Variants in ERCC6 observed in about 807,000 individuals in gnomAD.
ERCC6 encodes the protein ERCC excision repair 6, chromatin remodeling factor.
ERCC6 carries 116 observed loss-of-function variants against 158.7 expected under a neutral mutation model. The ratio of observed to expected loss-of-function variants is 0.73; its 90% CI spans 0.63 to 0.85. The LOEUF (loss-of-function observed/expected upper bound fraction) is 0.85. Ranked by LOEUF, ERCC6 falls within the 40% of genes least tolerant of loss-of-function variation. The pLI is 0.00. For synonymous variants in ERCC6, 678 were observed against 659.3 expected (o/e 1.03, Z -0.43); for missense variants, 1,698 against 1,799.4 (o/e 0.94, Z 1.02).
chr10:49,453,126 TGC>T (rs1179235828), downstream of ERCC6, among the ~76,000 whole-genome samples: 1 of 152,156 alleles, frequency 6.6e-6, no homozygotes, highest in Non-Finnish European at 1.5e-5. Context: ...CTTTTAATAT[TGC>T]CTTTTGCATC....
chr10:49,483,377 G>A lies in ERCC6; in HGVS notation c.1961C>T (p.Pro654Leu). 6.2e-7 allele frequency: 1 copy of A among 1,614,108 alleles called. No individual in the cohort carries two copies. The highest frequency in any genetic ancestry group is 1.3e-5 in the African/African-American group (1 of 75,032). The change falls in exon 9 of 21, where the codon CCA becomes CTA. Residue 654 changes from proline (P) to leucine (L), a missense_variant. Pro to Leu is a moderately conservative substitution (Grantham distance 98). Transcript: ENST00000355832. Reference protein sequence around the residue: ...ILDEGHKIRNPNAAVTLACKQ... With the variant: ...ILDEGHKIRNLNAAVTLACKQ... Reference sequence around the variant, plus strand: ...GCAAGCAAGGGTGACAGCAGCATTTGGATTTCGAATTTTGTGTCCTTCGTC... The same window carrying A: ...GCAAGCAAGGGTGACAGCAGCATTTAGATTTCGAATTTTGTGTCCTTCGTC...
chr10:49,458,919 C>T lies in ERCC6; in HGVS notation c.4378G>A (p.Ala1460Thr), dbSNP rs753046633. 6.2e-7 allele frequency: 1 copy of T among 1,614,060 alleles called. No individual in the cohort carries two copies. The highest frequency in any genetic ancestry group is 1.3e-5 in the African/African-American group (1 of 74,904). The change falls in exon 21 of 21, where the codon GCA (alanine) becomes ACA (threonine). Residue 1460 changes from alanine to threonine, a missense_variant. By Grantham distance (58) the Ala-to-Thr change is moderately conservative. Coordinates refer to ENST00000355832, the MANE Select transcript of ERCC6 (RefSeq NM_000124.4). ...ILQEFESKLS[A>T]SQSCVFRELL... is the part of the protein sequence containing the mutation. ...TCTCGGAAGACACAAGACTGTGATGCAGATAACTTGGATTCAAACTCCTGC... is the reference window on the plus strand; with the variant it reads ...TCTCGGAAGACACAAGACTGTGATGTAGATAACTTGGATTCAAACTCCTGC...
chr10:49,521,075 C>T (rs756564516), intron 5 of ERCC6, among the ~76,000 whole-genome samples: 36 of 152,154 alleles, frequency 2.4e-4, no homozygotes, highest in South Asian at 4.1e-4. Context: ...CCTATTTGTG[C>T]CCAAGTCTAT....
intron 6 of ERCC6, 36 bp from the exon 7 acceptor site, chr10:49,500,732 G>A: frequency 1.2e-6 from 2 of 1,607,990 alleles, no homozygotes; most frequent in Non-Finnish European, 1.7e-6. Context: ...AAGAGAAAAT[G>A]GCAAATGGTG....
intron 5 of ERCC6, chr10:49,516,917 T>C (rs751141428): frequency 1.9e-5 from 31 of 1,614,008 alleles, no homozygotes; most frequent in South Asian, 1.9e-4. Context: ...CAGAGCCATC[T>C]TGAATAAGAT....
chr10:49,524,162 T>C lies in ERCC6; in HGVS notation c.1268A>G (p.Asp423Gly), dbSNP rs1418152523. 1.9e-6 allele frequency: 3 copies of C among 1,614,052 alleles called. No homozygotes were observed. Among genetic ancestry groups the C allele is most frequent in the Middle Eastern group, 1.6e-4 (1 of 6,084 alleles). Residue 423 changes from aspartate to glycine, a missense_variant, in exon 5 of 21, where the codon GAT (aspartate) becomes GGT (glycine). Coordinates refer to ENST00000355832, the MANE Select transcript of ERCC6 (RefSeq NM_000124.4). ...CCCAGAACTTGGGAAAAAGTCATCA[T>C]CAATCTCCTGCACTGGCACTTTCTT... is the stretch of plus-strand genomic sequence containing the variant. ...RQKKVPVQEI[D>G]DDFFPSSGEE... is the part of the protein sequence containing the mutation.
At position 49,505,903 on chromosome 10, in the gene ERCC6, G is replaced by A; in HGVS notation, c.1507C>T (p.Leu503=). Residue 503 remains leucine, a synonymous_variant, in exon 6 of 21, where the codon CTG becomes TTG. Transcript: ENST00000355832. ...ACATACTTAAAAAGCTTTTTGAACA[G>A]AAAACCTGGCACTTTAAAACCTTCG... ...FDEGFKVPGF[L]FKKLFKYQQT... is the part of the protein sequence containing the mutation. The A allele has an allele frequency of 6.2e-7, 1 of 1,613,286 alleles. No homozygotes were observed.
Position 49,472,719 on chromosome 10 carries a change from TA to T in ERCC6, c.2829+189del, listed in dbSNP as rs534168918. The T allele has an allele frequency of 5.9e-4, 449 of 762,376 alleles. 1 individual carries two copies. In the African/African-American group the frequency reaches 7.3e-3, roughly 12 times the overall value. The allele number at this position is 762,376 out of a possible 1,614,324, so 47.2% of individuals were successfully genotyped here. Reference sequence around the variant, plus strand: ...CAACTCTAGGAATGAATGCTATGGATAAACTGCTGAAGATGGTTCCTGTCCA... The same window carrying T: ...CAACTCTAGGAATGAATGCTATGGATAACTGCTGAAGATGGTTCCTGTCCA... On this transcript the variant is annotated intron_variant, in intron 15 of 20. Transcript: ENST00000355832.
Position 49,524,774 on chromosome 10 carries a change from G to A in ERCC6, c.656C>T (p.Pro219Leu), listed in dbSNP as rs367812837. 2.1e-5 allele frequency: 33 copies of A among 1,600,964 alleles called. No individual in the cohort carries two copies. Among genetic ancestry groups the A allele is most frequent in the African/African-American group, 5.3e-5 (4 of 74,886 alleles). ...DHASLEEDAE[P>L]GPSSLGSMLM... ...CATGCTGCCAAGACTGGATGGCCCC[G>A]GCTCTGAAAGAACAATAGCAATGCG... The change falls in exon 5 of 21, where the codon CCG becomes CTG. Residue 219 changes from proline to leucine, a missense_variant. By Grantham distance (98) the Pro-to-Leu change is moderately conservative. Coordinates refer to ENST00000355832, the MANE Select transcript of ERCC6 (RefSeq NM_000124.4).
chr10:49,516,563 C>A, intron 5 of ERCC6: 10 of 1,613,906 alleles, frequency 6.2e-6, no homozygotes, highest in Non-Finnish European at 8.5e-6. Flanking sequence ...AAATAATTCC[C>A]AGAAAACATT....
intron 5 of ERCC6, among the ~76,000 whole-genome samples, chr10:49,514,815 C>G (rs533122882): frequency 5.4e-4 from 83 of 152,318 alleles, no homozygotes; most frequent in Non-Finnish European, 1.0e-3. Context: ...CTATTTCAGA[C>G]AGCTAAGAAT....
rs117766317 is a variant in ERCC6 at position 49,475,699 on chromosome 10, C to T, written c.2382+516G>A. On this transcript the variant is annotated intron_variant, in intron 12 of 20. Coordinates refer to ENST00000355832, the MANE Select transcript of ERCC6 (RefSeq NM_000124.4). ...AGAATCACCATAAATAAATTACTGT[C>T]CTACCCTGGGGACAATGAGAATTAG... 7.7e-3 allele frequency among the ~76,000 whole-genome samples: 1,173 copies of T among 152,196 alleles called. 9 individuals carry two copies. The highest frequency in any genetic ancestry group is 0.014 in the Middle Eastern group (4 of 294).
At position 49,457,832 on chromosome 10, in the gene ERCC6, A is replaced by T. The variant is rs1028441091; in HGVS notation, c.*983T>A. On this transcript the variant is annotated 3_prime_UTR_variant, in exon 21 of 21. Transcript: ENST00000355832. ...CACCATCACAGAACCACAAACACAT[A>T]AACAGTAGTGAGATACAAACAGCCT... 2.6e-5 allele frequency: 4 copies of T among 152,284 alleles called. No individual in the cohort carries two copies. Among genetic ancestry groups the T allele is most frequent in the African/African-American group, 9.6e-5 (4 of 41,468 alleles). 9.4% of individuals were successfully genotyped at this position (152,284 alleles called of 1,614,324 possible). A position where few individuals can be genotyped will look rare whatever the true frequency, so the allele number is the denominator to read the frequency against.
chr10:49,523,754 C>A (rs539499463), intron 5 of ERCC6, among the ~76,000 whole-genome samples: 2 of 152,086 alleles, frequency 1.3e-5, no homozygotes, highest in African/African-American at 4.8e-5. Flanking sequence ...ACACTCAGCC[C>A]TCTGTATGCC....
At chr10:49,462,065 GAAC>G (rs1472889457) in intron 18 of ERCC6, among the ~76,000 whole-genome samples, 6 of 152,126 alleles carry the variant, frequency 3.9e-5, no homozygotes, top group African/African-American at 1.4e-4. Flanking sequence ...AGTTCATACA[GAAC>G]AATAAACCTT....
At position 49,458,296 on chromosome 10, in the gene ERCC6, A is replaced by C. The variant is rs1850516319; in HGVS notation, c.*519T>G. 1 of 156,014 alleles carries C rather than the reference A, an allele frequency of 6.4e-6. No individual in the cohort carries two copies. The highest frequency in any genetic ancestry group is 1.9e-4 in the South Asian group (1 of 5,272). 9.7% of individuals were successfully genotyped at this position (156,014 alleles called of 1,614,324 possible). On this transcript the variant is annotated 3_prime_UTR_variant, in exon 21 of 21. Coordinates refer to ENST00000355832, the MANE Select transcript of ERCC6 (RefSeq NM_000124.4). ...GGATCTTTCCAAGAAAATTAATATA[A>C]TTATCAAACAACAAATAACAAACCT...
At chr10:49,523,067 T>G (rs1238812198) in intron 5 of ERCC6, among the ~76,000 whole-genome samples, 13 of 152,238 alleles carry the variant, frequency 8.5e-5, no homozygotes, top group Admixed American at 8.5e-4. Flanking sequence ...AGGTCAACCT[T>G]CACTCACAAA....
At chr10:49,450,814 C>A (rs1285902239), downstream of ERCC6, among the ~76,000 whole-genome samples, 2 of 129,488 alleles carry the variant, frequency 1.5e-5, no homozygotes, top group African/African-American at 2.6e-5. Context: ...TGTAGAAATA[C>A]GATTTTTTTT....
chr10:49,482,883 AC>A lies in ERCC6; in HGVS notation c.1993-21del, dbSNP rs1451468661. On this transcript the variant is annotated intron_variant, in intron 9 of 20. Coordinates refer to ENST00000355832, the MANE Select transcript of ERCC6 (RefSeq NM_000124.4). ...GCGAAACTATTTGAGGAAAGGAAGC[AC>A]CTTTTTATTAAATTTACCTTTTAGC... The A allele has an allele frequency of 6.2e-7, 1 of 1,613,818 alleles. No individual in the cohort carries two copies. Among genetic ancestry groups the A allele is most frequent in the African/African-American group, 1.3e-5 (1 of 74,888 alleles).
Sources: gnomAD v4.1 joint callset for allele counts (sites outside exome capture counted in the v4.1 genomes callset) on GRCh38, gnomAD v4.1.1 for gene constraint, MANE v1.5 for transcripts, NCBI Gene and HGNC (gene_info 2026-07-23, HGNC 2026-07-21) for gene names.